DLGAP1: variants seen among roughly 807,000 people sequenced by gnomAD.
The protein encoded by DLGAP1 is disks large-associated protein 1.
DLGAP1 carries 11 observed loss-of-function variants against 90.8 expected under a neutral mutation model. The observed-to-expected ratio is 0.12, with a 90% CI of 0.08 to 0.20. DLGAP1 has a LOEUF of 0.20. DLGAP1 is among the 10% of genes least tolerant of loss of function. DLGAP1 has a pLI of 1.00. For synonymous variants in DLGAP1, 558 were observed against 540.7 expected, an observed-to-expected ratio of 1.03 and a Z score of -0.44; for missense variants, 1,050 against 1,333.8, an observed-to-expected ratio of 0.79 and a Z score of 3.31.
chr18:4,041,517 A>G (rs1052128266), intron 2 of DLGAP1, among the ~76,000 whole-genome samples: 2 of 152,216 alleles, frequency 1.3e-5, no homozygotes, highest in East Asian at 1.9e-4. Context: ...ACCTATTTCT[A>G]ACTTAAAAGT....
At chr18:4,390,155 A>G (rs1377554572) in intron 1 of DLGAP1, among the ~76,000 whole-genome samples, 1 of 86,696 alleles carries the variant, frequency 1.2e-5, no homozygotes, top group East Asian at 3.9e-4. Context: ...TTGGCCCATA[A>G]CAAATTGTGT....
At chr18:4,284,227 T>C (rs1205462165) in intron 1 of DLGAP1, among the ~76,000 whole-genome samples, 2 of 146,108 alleles carry the variant, frequency 1.4e-5, no homozygotes, top group African/African-American at 5.0e-5. Context: ...AAATCAAGTG[T>C]GGCCCTCCAA....
At chr18:4,110,103 T>C (rs8092170) in intron 2 of DLGAP1, among the ~76,000 whole-genome samples, 74,328 of 151,940 alleles carry the variant, frequency 0.49, 19,230 homozygotes, top group African/African-American at 0.67. Flanking sequence ...AAATCTGTCA[T>C]TGTGTGAATA....
chr18:3,732,527 G>A (rs756069436), intron 6 of DLGAP1, among the ~76,000 whole-genome samples: 39 of 152,168 alleles, frequency 2.6e-4, no homozygotes, highest in Non-Finnish European at 3.8e-4. Flanking sequence ...AGATAAATTT[G>A]TTCTCTCTTA....
chr18:4,417,718 A>T (rs1245309009), intron 1 of DLGAP1, among the ~76,000 whole-genome samples: 1 of 152,136 alleles, frequency 6.6e-6, no homozygotes, highest in Non-Finnish European at 1.5e-5. Context: ...GAAAACAGAA[A>T]ACAAAACAAA....
In DLGAP1 at chr18:3,653,019, A is replaced by G. The variant is rs1420659836; in HGVS notation, c.1592-70771T>C. 1.3e-5 allele frequency among the ~76,000 whole-genome samples: 2 copies of G among 152,122 alleles called. No homozygotes were observed. The highest frequency in any genetic ancestry group is 1.9e-4 in the East Asian group (1 of 5,198). On this transcript the variant is annotated intron_variant, in intron 7 of 12. Coordinates refer to ENST00000315677, the MANE Select transcript of DLGAP1 (RefSeq NM_004746.4). This position sits in a 1 kb window ranked among gnomAD's most constrained non-coding sequence, Gnocchi z 4.6. Reference sequence around the variant, plus strand: ...CTGGAAATAAATAGCTGCCTATAGAATATCAGAGTCATTCTGACTCAGGGG... The same window carrying G: ...CTGGAAATAAATAGCTGCCTATAGAGTATCAGAGTCATTCTGACTCAGGGG...
chr18:3,616,948 C>T (rs944642576), intron 7 of DLGAP1, among the ~76,000 whole-genome samples: 2 of 152,154 alleles, frequency 1.3e-5, no homozygotes, highest in Admixed American at 6.5e-5. Context: ...CCCAGCTGTC[C>T]TGAGGCTGCC....
chr18:3,905,152 G>T (rs569201938), intron 3 of DLGAP1, among the ~76,000 whole-genome samples: 36 of 151,600 alleles, frequency 2.4e-4, no homozygotes, highest in African/African-American at 7.7e-4. Flanking sequence ...CGGATCACGA[G>T]GTCAGGAGAT....
intron 2 of DLGAP1, among the ~76,000 whole-genome samples, chr18:4,006,835 A>G (rs73380516): frequency 0.022 from 3,345 of 152,156 alleles, 135 homozygotes; most frequent in African/African-American, 0.076. Flanking sequence ...TTCTGTAGAT[A>G]CAAGTTCTCA....
chr18:3,836,442 C>T (rs2068385665), intron 4 of DLGAP1, among the ~76,000 whole-genome samples: 1 of 152,164 alleles, frequency 6.6e-6, no homozygotes, highest in Non-Finnish European at 1.5e-5. Context: ...TAGGAGTTTC[C>T]TCTGAGCACT....
intron 7 of DLGAP1, chr18:3,597,578 G>C (rs1206538702): frequency 1.2e-5 from 3 of 254,484 alleles, no homozygotes; most frequent in Non-Finnish European, 2.3e-5. Context: ...CAGTAACCTT[G>C]GTTCACTGGC....
chr18:3,567,013 T>C (rs577173647), intron 9 of DLGAP1, among the ~76,000 whole-genome samples: 1 of 152,298 alleles, frequency 6.6e-6, no homozygotes, highest in East Asian at 1.9e-4. Flanking sequence ...GGACTGGTGA[T>C]TCAGGATAAT....
At chr18:3,631,057 T>C (rs1390996659) in intron 7 of DLGAP1, among the ~76,000 whole-genome samples, 1 of 152,174 alleles carries the variant, frequency 6.6e-6, no homozygotes, top group Non-Finnish European at 1.5e-5. Context: ...TTCGGCTCAT[T>C]GCATCCTCTG....
intron 2 of DLGAP1, among the ~76,000 whole-genome samples, chr18:4,010,287 G>A (rs2074390496): frequency 6.6e-6 from 1 of 152,210 alleles, no homozygotes; most frequent in Non-Finnish European, 1.5e-5. Flanking sequence ...GCTCAGTGCT[G>A]TAATCCCAGC....
At chr18:4,074,936 A>C (rs1376115433) in intron 2 of DLGAP1, among the ~76,000 whole-genome samples, 1 of 152,184 alleles carries the variant, frequency 6.6e-6, no homozygotes, top group Non-Finnish European at 1.5e-5. Flanking sequence ...GACAAATCAG[A>C]ATATTAAAAC....
At chr18:3,689,591 T>C (rs1442817748) in intron 7 of DLGAP1, among the ~76,000 whole-genome samples, 1 of 152,152 alleles carries the variant, frequency 6.6e-6, no homozygotes, top group Non-Finnish European at 1.5e-5. Context: ...TGTGGAGAAT[T>C]GCTACCCACC....
intron 2 of DLGAP1, among the ~76,000 whole-genome samples, chr18:4,141,564 G>A (rs2076495696): frequency 1.3e-5 from 2 of 151,856 alleles, no homozygotes; most frequent in Admixed American, 6.6e-5. Context: ...TTGACCTTCT[G>A]GACTCCCTGA....
Position 3,499,378 on chromosome 18 carries a change from G to A in DLGAP1, c.2741C>T (p.Pro914Leu). The change falls in exon 13 of 13, where the codon CCT (proline) becomes CTT (leucine). Residue 914 changes from proline (P) to leucine (L), a missense_variant. By Grantham distance (98) the Pro-to-Leu change is moderately conservative. Coordinates refer to ENST00000315677, the MANE Select transcript of DLGAP1 (RefSeq NM_004746.4). This position sits in a 1 kb window ranked among gnomAD's most constrained non-coding sequence, Gnocchi z 6.4. ...CTTCGCCGGCTTCTTTGGCACTGGAGGAGGGGCCCTTCTCTCCTGATCAAA... is the reference window on the plus strand; with the variant it reads ...CTTCGCCGGCTTCTTTGGCACTGGAAGAGGGGCCCTTCTCTCCTGATCAAA... Reference protein sequence around the residue: ...PLDKKERRAPPPVPKKPAKGP... With the variant: ...PLDKKERRAPLPVPKKPAKGP... 6.4e-7 allele frequency: 1 copy of A among 1,550,484 alleles called. No individual in the cohort carries two copies. The highest frequency in any genetic ancestry group is 8.7e-7 in the Non-Finnish European group (1 of 1,147,204).
At chr18:4,240,355 T>C (rs1247825374) in intron 1 of DLGAP1, among the ~76,000 whole-genome samples, 1 of 152,150 alleles carries the variant, frequency 6.6e-6, no homozygotes, top group Non-Finnish European at 1.5e-5. Context: ...GCCTTAACTT[T>C]ATTTACCAAA....
Sources: gnomAD v4.1 joint callset for allele counts (sites outside exome capture counted in the v4.1 genomes callset) on GRCh38, gnomAD v4.1.1 for gene constraint, Gnocchi (gnomAD v3.1) non-coding constraint, MANE v1.5 for transcripts, NCBI Gene and HGNC (gene_info 2026-07-23, HGNC 2026-07-21) for gene names.